Variants in RYR2 observed in about 807,000 individuals in gnomAD.
RYR2 encodes the protein ryanodine receptor 2.
A neutral mutation model predicts 601.1 loss-of-function variants in RYR2; 227 were observed. That is an observed-to-expected ratio of 0.38 (90% CI 0.34 to 0.42). The LOEUF is 0.42. Among genes scored for constraint, RYR2 ranks in the 10% least tolerant of loss-of-function variants. The probability of loss-of-function intolerance (pLI) is 1.00; values close to 1 mark genes in which losing one functional copy is unlikely to be tolerated. For synonymous variants in RYR2, 2,223 were observed against 2,175.1 expected (o/e 1.02, Z -0.61); for missense variants, 4,646 against 6,156.5 (o/e 0.75, Z 8.21).
intron 43 of RYR2, 129 bp downstream of exon 43, chr1:237,633,839 G>T: frequency 2.2e-6 from 2 of 902,788 alleles, no homozygotes; most frequent in Non-Finnish European, 3.2e-6. Flanking sequence ...ACAGATAGTT[G>T]GCCAATAGGT....
intron 24 of RYR2, among the ~76,000 whole-genome samples, chr1:237,521,414 C>A (rs1357089554): frequency 6.6e-6 from 1 of 152,102 alleles, no homozygotes; most frequent in Non-Finnish European, 1.5e-5. Context: ...TATTTAAAAT[C>A]CCTTAATGGG....
At chr1:237,680,400 A>G in intron 61 of RYR2, 56 bp from the exon 62 acceptor site, 2 of 1,532,042 alleles carry the variant, frequency 1.3e-6, no homozygotes, top group Middle Eastern at 1.7e-4. Context: ...CTCAGCTCCC[A>G]TTCATCCCCT....
intron 2 of RYR2, among the ~76,000 whole-genome samples, chr1:237,288,561 G>A (rs1691827132): frequency 6.6e-6 from 1 of 151,978 alleles, no homozygotes; most frequent in Non-Finnish European, 1.5e-5. Context: ...GGCTGCCTCT[G>A]CTGAGTCATG....
chr1:237,408,719 T>C (rs529157533), intron 10 of RYR2, among the ~76,000 whole-genome samples: 2 of 152,228 alleles, frequency 1.3e-5, no homozygotes, highest in Admixed American at 6.5e-5. Flanking sequence ...ACAAAATAAC[T>C]TGCTGGGATT....
chr1:237,580,152 A>ATTTTTTTTT (rs1327689248), intron 29 of RYR2, among the ~76,000 whole-genome samples: 1 of 87,340 alleles, frequency 1.1e-5, no homozygotes, highest in Admixed American at 1.1e-4. Flanking sequence ...AATCACAACA[A>ATTTTTTTTT]TTCTTTTTTT....
chr1:237,111,989 T>TG (rs1669526502), intron 1 of RYR2, among the ~76,000 whole-genome samples: 1 of 152,124 alleles, frequency 6.6e-6, no homozygotes, highest in Non-Finnish European at 1.5e-5. Context: ...TGTCATTGGT[T>TG]GGGGGTGGGT....
At chr1:237,071,721 TG>T (rs1664357133) in intron 1 of RYR2, among the ~76,000 whole-genome samples, 1 of 152,204 alleles carries the variant, frequency 6.6e-6, no homozygotes, top group Non-Finnish European at 1.5e-5. Flanking sequence ...TACCCCTTCC[TG>T]CCTAGGAACC....
chr1:237,472,891 G>A (rs1052365658), intron 17 of RYR2, among the ~76,000 whole-genome samples: 1 of 152,080 alleles, frequency 6.6e-6, no homozygotes, highest in Non-Finnish European at 1.5e-5. Context: ...GGAATTGCTT[G>A]TCAAAACTTG....
chr1:237,730,230 C>G (rs377134820), intron 76 of RYR2, 30 bp from the exon 77 acceptor site: 49 of 1,259,704 alleles, frequency 3.9e-5, no homozygotes, highest in Admixed American at 3.9e-4. Context: ...TTCTAAACAC[C>G]CTTTTTCTGA....
chr1:237,072,865 T>C (rs986032495), intron 1 of RYR2, among the ~76,000 whole-genome samples: 1 of 151,070 alleles, frequency 6.6e-6, no homozygotes, highest in South Asian at 2.1e-4. Flanking sequence ...GGAGAATCGC[T>C]TGAACCTGGG....
chr1:237,507,184 AT>A (rs1197309731), intron 23 of RYR2, among the ~76,000 whole-genome samples: 3 of 152,214 alleles, frequency 2.0e-5, no homozygotes, highest in African/African-American at 7.2e-5. Context: ...AAAGAAGGCA[AT>A]TTACTTTTCT....
At chr1:237,806,039 G>A (rs2149436991) in intron 98 of RYR2, 98 bp from the exon 99 acceptor site, 1 of 1,074,186 alleles carries the variant, frequency 9.3e-7, no homozygotes, top group Non-Finnish European at 1.4e-6. Context: ...AACATGTAGA[G>A]TTTAACTTTC....
At position 237,631,668 on chromosome 1, in the gene RYR2, G is replaced by A. The variant is rs181625580; in HGVS notation, c.6555+127G>A. ...TTTGGAGACAGAGGCTCACTCTGTC[G>A]CCCAGGCTGGAGTGCAGTGCACGAT... On this transcript the variant is annotated intron_variant, in intron 42 of 104. Transcript: ENST00000366574. 337 of 449,358 alleles carry A rather than the reference G, an allele frequency of 7.5e-4. 3 individuals are homozygous for A. Among genetic ancestry groups the A allele is most frequent in the African/African-American group, 3.9e-3 (115 of 29,208 alleles). 27.8% of individuals were successfully genotyped at this position (449,358 alleles called of 1,614,324 possible).
At chr1:237,366,116 C>T (rs1483585444) in intron 5 of RYR2, among the ~76,000 whole-genome samples, 1 of 152,206 alleles carries the variant, frequency 6.6e-6, no homozygotes, top group African/African-American at 2.4e-5. Flanking sequence ...CTTTGGGTTT[C>T]ATACGGAAAA....
intron 98 of RYR2, among the ~76,000 whole-genome samples, chr1:237,802,903 A>G (rs1416947189): frequency 1.3e-5 from 2 of 152,176 alleles, no homozygotes; most frequent in Non-Finnish European, 2.9e-5. Flanking sequence ...GCATGGATAG[A>G]TCCAGGATGG....
intron 10 of RYR2, among the ~76,000 whole-genome samples, chr1:237,408,811 A>G (rs1328459180): frequency 6.6e-6 from 1 of 152,222 alleles, no homozygotes; most frequent in Non-Finnish European, 1.5e-5. Context: ...ATCCATGAAC[A>G]TGGAATAGCT....
At chr1:237,733,683 G>A in intron 78 of RYR2, 22 bp from the exon 79 acceptor site, 1 of 1,584,218 alleles carries the variant, frequency 6.3e-7, no homozygotes, top group Non-Finnish European at 8.7e-7. Flanking sequence ...AAACACTGAT[G>A]TTTTCTTCTT....
At chr1:237,111,285 G>A (rs1474986867) in intron 1 of RYR2, among the ~76,000 whole-genome samples, 3 of 152,182 alleles carry the variant, frequency 2.0e-5, no homozygotes, top group Admixed American at 1.3e-4. Flanking sequence ...GGGTGGAGAA[G>A]AGGAAATGAT....
chr1:237,449,758 GT>G (rs34816071), intron 14 of RYR2, among the ~76,000 whole-genome samples: 18 of 149,448 alleles, frequency 1.2e-4, no homozygotes, highest in African/African-American at 2.0e-4. Flanking sequence ...AGATTGACAA[GT>G]TTTTTTTTTC....
Sources: gnomAD v4.1 joint callset for allele counts (sites outside exome capture counted in the v4.1 genomes callset) on GRCh38, gnomAD v4.1.1 for gene constraint, MANE v1.5 for transcripts, NCBI Gene and HGNC (gene_info 2026-07-23, HGNC 2026-07-21) for gene names.